OTOF: variants seen among roughly 807,000 people sequenced by gnomAD.
OTOF encodes fer-1-like family member 2.
OTOF carries 218 observed loss-of-function variants against 236.8 expected under a neutral mutation model. The ratio of observed to expected loss-of-function variants is 0.92; its 90% CI spans 0.82 to 1.03. OTOF has a LOEUF of 1.03. OTOF is among the 50% of genes least tolerant of loss of function. The pLI is 0.00. For missense variants in OTOF, 2,590 were observed against 2,694.4 expected (o/e 0.96, Z 0.86); for synonymous variants, 1,041 against 1,072.5 (o/e 0.97, Z 0.57).
chr2:26,489,788 C>T (rs1665795786), intron 9 of OTOF, 48 bp from the exon 10 acceptor site: 5 of 1,444,888 alleles, frequency 3.5e-6, no homozygotes, highest in South Asian at 1.1e-5. Context: ...GCAGCAGCAA[C>T]AGCCCAGGCA....
At position 26,489,661 on chromosome 2, in the gene OTOF, G is replaced by T; in HGVS notation, c.960+17C>A. On this transcript the variant is annotated intron_variant, in intron 10 of 46. Transcript: ENST00000272371. Reference sequence around the variant, plus strand: ...TGAGGGAGTGGCCCTGCCGGCCAGGGGCTGCTCCCCACTCACCGAAATCTT... The same window carrying T: ...TGAGGGAGTGGCCCTGCCGGCCAGGTGCTGCTCCCCACTCACCGAAATCTT... 2 of 1,608,590 alleles carry T rather than the reference G, an allele frequency of 1.2e-6. No homozygotes were observed. The highest frequency in any genetic ancestry group is 1.7e-6 in the Non-Finnish European group (2 of 1,175,966).
chr2:26,484,707 A>G, intron 11 of OTOF, 74 bp from the exon 12 acceptor site: 1 of 1,519,622 alleles, frequency 6.6e-7, no homozygotes, highest in Non-Finnish European at 9.1e-7. Flanking sequence ...GGGCAGGCCA[A>G]GGGGTGGCAG....
chr2:26,458,159 A>C lies in OTOF; in HGVS notation c.*79T>G. ...ATGATGAGCCACTTGTACCGGGTGCAGATGAGGTACTTGATGGACTTGAGA... is the reference window on the plus strand; with the variant it reads ...ATGATGAGCCACTTGTACCGGGTGCCGATGAGGTACTTGATGGACTTGAGA... On this transcript the variant is annotated 3_prime_UTR_variant, in exon 47 of 47. Transcript: ENST00000272371. 6.2e-7 allele frequency: 1 copy of C among 1,613,998 alleles called. No individual in the cohort carries two copies. Among genetic ancestry groups the C allele is most frequent in the Non-Finnish European group, 8.5e-7 (1 of 1,179,924 alleles).
Position 26,514,075 on chromosome 2 carries a change from T to C in OTOF, c.509+2343A>G, listed in dbSNP as rs374140143. On this transcript the variant is annotated intron_variant, in intron 5 of 46. Transcript: ENST00000272371. Reference sequence around the variant, plus strand: ...TCCTCACCAGCAAATGGCCCATCTCTAGAATTTTTCTCAACCCCTCTTTTC... The same window carrying C: ...TCCTCACCAGCAAATGGCCCATCTCCAGAATTTTTCTCAACCCCTCTTTTC... Among the ~76,000 whole-genome samples the C allele has an allele frequency of 9.8e-5, 15 of 152,374 alleles. No individual in the cohort carries two copies. The East Asian group carries it at 2.9e-3, about 29-fold the overall frequency.
At chr2:26,492,964 G>A (rs1665884657) in intron 9 of OTOF, among the ~76,000 whole-genome samples, 1 of 152,152 alleles carries the variant, frequency 6.6e-6, no homozygotes, top group African/African-American at 2.4e-5. Context: ...GTGTGGGCCT[G>A]GTGGAGGGAG....
intron 1 of OTOF, among the ~76,000 whole-genome samples, chr2:26,540,474 G>T (rs1381140320): frequency 1.3e-5 from 2 of 152,190 alleles, no homozygotes; most frequent in Non-Finnish European, 2.9e-5. Flanking sequence ...TGATGGGTCT[G>T]GGGGCTGGGC....
At chr2:26,556,911 G>A (rs1027279998) in intron 1 of OTOF, among the ~76,000 whole-genome samples, 1 of 152,218 alleles carries the variant, frequency 6.6e-6, no homozygotes, top group South Asian at 2.1e-4. Flanking sequence ...ACAGATGAAA[G>A]GACACATTTG....
rs950656119 is a variant in OTOF at position 26,468,412 on chromosome 2, G to A, written c.4086C>T (p.Thr1362=). Residue 1362 remains threonine, a synonymous_variant, in exon 33 of 47, where the codon ACC becomes ACT. Transcript: ENST00000272371. ...DLEEKEEVDN[T]EGLKGSMKGK... ...GTTCCAGGTTCCAGGGCTCACCCTC[G>A]GTATTGTCCACTTCCTCCTTCTCCT... 1.1e-5 allele frequency: 18 copies of A among 1,613,258 alleles called. No individual in the cohort carries two copies. The highest frequency in any genetic ancestry group is 6.7e-5 in the East Asian group (3 of 44,892).
At chr2:26,505,233 C>T (rs530729292) in intron 5 of OTOF, among the ~76,000 whole-genome samples, 1 of 152,218 alleles carries the variant, frequency 6.6e-6, no homozygotes, top group East Asian at 1.9e-4. Flanking sequence ...GGAACATTAG[C>T]ATGTTCTTTG....
At chr2:26,474,870 G>C (rs924459491) in intron 25 of OTOF, among the ~76,000 whole-genome samples, 196 bp from the exon 26 acceptor site, 1 of 151,964 alleles carries the variant, frequency 6.6e-6, no homozygotes, top group African/African-American at 2.4e-5. Context: ...GCAGATGCCC[G>C]GCTCAGGACT....
At chr2:26,467,749 C>G (rs1459776927) in intron 33 of OTOF, among the ~76,000 whole-genome samples, 1 of 152,186 alleles carries the variant, frequency 6.6e-6, no homozygotes. Flanking sequence ...CAGGAAGGAG[C>G]ATGGGTTTGG....
intron 1 of OTOF, among the ~76,000 whole-genome samples, chr2:26,540,144 G>T (rs1452076680): frequency 6.6e-6 from 1 of 152,150 alleles, no homozygotes; most frequent in East Asian, 1.9e-4. Context: ...TGTTGGTCAG[G>T]CTGGTCTCGA....
intron 14 of OTOF, among the ~76,000 whole-genome samples, chr2:26,481,376 C>T (rs1451132518): frequency 1.3e-5 from 2 of 152,202 alleles, no homozygotes; most frequent in African/African-American, 4.8e-5. Context: ...CACGGTGACC[C>T]TGCCAGTGCA....
At chr2:26,509,325 C>A (rs1424543085) in intron 5 of OTOF, among the ~76,000 whole-genome samples, 1 of 152,174 alleles carries the variant, frequency 6.6e-6, no homozygotes, top group Non-Finnish European at 1.5e-5. Flanking sequence ...GATTCAGTTC[C>A]CTGGCTCTGA....
intron 14 of OTOF, 72 bp from the exon 15 acceptor site, chr2:26,481,081 G>A: frequency 9.0e-7 from 1 of 1,106,048 alleles, no homozygotes; most frequent in Admixed American, 1.9e-5. Context: ...GGCCTCTTTT[G>A]GGGGTCCCTG....
chr2:26,464,979 G>A lies in OTOF; in HGVS notation c.4850C>T (p.Thr1617Ile). Reference protein sequence around the residue: ...RDPMKPSQILTRLCKDGKVDG... With the variant: ...RDPMKPSQILIRLCKDGKVDG... ...CACTTTGCCGTCTTTGCAGAGGCGG[G>A]TCAGGATCTGGCTGGGCTTCATGGG... is the stretch of plus-strand genomic sequence containing the variant. Residue 1617 changes from threonine (T) to isoleucine (I), a missense_variant, in exon 39 of 47, where the codon ACC becomes ATC. Transcript: ENST00000272371. The A allele has an allele frequency of 6.5e-7, 1 of 1,537,616 alleles. No individual in the cohort carries two copies. The highest frequency in any genetic ancestry group is 8.8e-7 in the Non-Finnish European group (1 of 1,137,740).
rs1005694756 is a variant in OTOF at position 26,464,869 on chromosome 2, C to T, written c.4960G>A (p.Gly1654Ser). 25 of 1,602,528 alleles carry T rather than the reference C, an allele frequency of 1.6e-5. No homozygotes were observed. Among genetic ancestry groups the T allele is most frequent in the Non-Finnish European group, 2.0e-5 (23 of 1,174,198 alleles). Residue 1654 changes from glycine to serine, a missense_variant and splice_region_variant, in exon 39 of 47, where the codon GGT (glycine) becomes AGT (serine). By Grantham distance (56) the Gly-to-Ser change is moderately conservative. This residue lies in a region of OTOF where 1,211 missense variants were observed against 1,352.8 expected (regional missense o/e 0.90). Transcript: ENST00000272371. ...GCGGCTGCATCCAGTGCCCCATTAC[C>T]GTTCTCGTCCTCAATCTCAGAGGGC... ...TGPSEIEDEN[G>S]QRKPTDEHVA...
At position 26,470,607 on chromosome 2, in the gene OTOF, C is replaced by G; in HGVS notation, c.4009G>C (p.Asp1337His). Residue 1337 changes from aspartate (D) to histidine (H), a missense_variant, in exon 32 of 47, where the codon GAC becomes CAC. Coordinates refer to ENST00000272371, the MANE Select transcript of OTOF (RefSeq NM_194248.3). The surrounding 1 kb of genome is among the most constrained non-coding windows in gnomAD (Gnocchi z 4.3). Reference sequence around the variant, plus strand: ...CGAGGTCTCACCTCCTTCATGGTGTCAATGGAGGCAAAGTACTTGGACCAC... The same window carrying G: ...CGAGGTCTCACCTCCTTCATGGTGTGAATGGAGGCAAAGTACTTGGACCAC... ...DWWSKYFASI[D>H]TMKEQLRQQE... is the part of the protein sequence containing the mutation. 4.3e-6 allele frequency: 7 copies of G among 1,614,154 alleles called. No homozygotes were observed. Among genetic ancestry groups the G allele is most frequent in the Non-Finnish European group, 5.9e-6 (7 of 1,180,032 alleles).
chr2:26,458,243 C>G (rs1204582731), intron 46 of OTOF, 23 bp from the exon 47 acceptor site: 1 of 1,557,880 alleles, frequency 6.4e-7, no homozygotes, highest in Non-Finnish European at 8.7e-7. Context: ...AGAGAGGAGC[C>G]GGTCAGCCAG....
Sources: allele counts gnomAD v4.1 joint callset (sites outside exome capture counted in the v4.1 genomes callset), GRCh38; gene constraint gnomAD v4.1.1; regional missense constraint gnomAD v4.1.1; non-coding constraint Gnocchi (gnomAD v3.1); transcripts MANE v1.5; gene names NCBI Gene and HGNC (gene_info 2026-07-23, HGNC 2026-07-21).